The following COX10 variants were observed in gnomAD, a reference collection of about 807,000 sequenced individuals.
COX10 encodes the protein cytochrome c oxidase assembly factor heme A:farnesyltransferase COX10, also known as protoheme IX farnesyltransferase, mitochondrial.
Under a neutral mutation model 37.3 loss-of-function variants are expected in COX10, and 27 were observed. The observed-to-expected ratio is 0.72, with a 90% CI of 0.53 to 1.00. The LOEUF is 1.00. Ranked by LOEUF, COX10 falls within the 50% of genes least tolerant of loss-of-function variation. The probability of loss-of-function intolerance (pLI) is 0.00; values close to 1 mark genes in which losing one functional copy is unlikely to be tolerated. For missense variants in COX10, 475 were observed against 563.2 expected (o/e 0.84, Z 1.59); for synonymous variants, 222 against 229.1 (o/e 0.97, Z 0.28).
At chr17:14,163,402 G>A (rs1474525817) in intron 5 of COX10, among the ~76,000 whole-genome samples, 4 of 151,864 alleles carry the variant, frequency 2.6e-5, no homozygotes, top group African/African-American at 7.3e-5. Context: ...CTACAGGCAC[G>A]TGCCACCACA....
rs973693161 is a variant in COX10, at chr17:14,088,332, A to G, written c.499+11276A>G. 2.0e-5 allele frequency among the ~76,000 whole-genome samples: 3 copies of G among 151,652 alleles called. No homozygotes were observed. The East Asian group carries it at 5.8e-4, about 29-fold the overall frequency. ...TTAGTATCCTGTCTTTACCTAATTT[A>G]TTGCTTCTGCAGATTTTTCTTCAAT... On this transcript the variant is annotated intron_variant, in intron 3 of 6. Transcript: ENST00000261643.
intron 4 of COX10, among the ~76,000 whole-genome samples, chr17:14,149,198 G>C (rs553199287): frequency 6.6e-6 from 1 of 151,886 alleles, no homozygotes; most frequent in South Asian, 2.1e-4. Context: ...AAATAGAACT[G>C]TTCATTGATT....
chr17:14,097,106 C>T (rs1239652747), intron 3 of COX10, among the ~76,000 whole-genome samples: 2 of 152,048 alleles, frequency 1.3e-5, no homozygotes, highest in Admixed American at 6.6e-5. Flanking sequence ...GAATAGATTG[C>T]ATTCACTTTT....
chr17:14,128,802 G>A lies in COX10; in HGVS notation c.624+26560G>A, dbSNP rs116195142. Among the ~76,000 whole-genome samples the A allele has an allele frequency of 3.5e-3, 538 of 152,284 alleles. 7 individuals carry two copies. The highest frequency in any genetic ancestry group is 0.012 in the African/African-American group (511 of 41,572). On this transcript the variant is annotated intron_variant, in intron 4 of 6. Coordinates refer to ENST00000261643, the MANE Select transcript of COX10 (RefSeq NM_001303.4). The stretch of plus-strand genomic sequence containing the variant: ...ACAAAGGCGGTCAACTTTAAGAAGA[G>A]CATATCTCAAGGCACGTTTCAAAAA...
chr17:14,082,465 TTTTAAG>T (rs1315712674), intron 3 of COX10, among the ~76,000 whole-genome samples: 1 of 152,180 alleles, frequency 6.6e-6, no homozygotes, highest in Non-Finnish European at 1.5e-5. Context: ...TTTAAAATAA[TTTTAAG>T]TTTATTATAA....
At chr17:14,180,474 G>A (rs1364220665) in intron 5 of COX10, among the ~76,000 whole-genome samples, 1 of 152,038 alleles carries the variant, frequency 6.6e-6, no homozygotes, top group Non-Finnish European at 1.5e-5. Context: ...CAAGAGGAAC[G>A]CTGCTGGGAT....
chr17:14,102,320 C>T (rs1915802930), intron 4 of COX10, 78 bp downstream of exon 4: 2 of 1,536,828 alleles, frequency 1.3e-6, no homozygotes, highest in Admixed American at 3.6e-5. Context: ...TTTTAAATAC[C>T]TTCCAAACTC....
chr17:14,083,126 TAC>T (rs1024652834), intron 3 of COX10, among the ~76,000 whole-genome samples: 14 of 152,306 alleles, frequency 9.2e-5, no homozygotes, highest in African/African-American at 3.1e-4. Flanking sequence ...CAGCCTCACC[TAC>T]ACACACAGAT....
At chr17:14,179,863 G>A (rs1188826819) in intron 5 of COX10, among the ~76,000 whole-genome samples, 1 of 151,576 alleles carries the variant, frequency 6.6e-6, no homozygotes, top group Non-Finnish European at 1.5e-5. Context: ...CACGATAAGA[G>A]CAGAGCAAAA....
chr17:14,088,022 C>G (rs2142190535), intron 3 of COX10, among the ~76,000 whole-genome samples: 1 of 152,160 alleles, frequency 6.6e-6, no homozygotes, highest in East Asian at 1.9e-4. Context: ...CCTCTAAGCT[C>G]TCCTGCACTG....
chr17:14,185,688 CT>C (rs1214051643), intron 5 of COX10, among the ~76,000 whole-genome samples: 15 of 149,356 alleles, frequency 1.0e-4, no homozygotes, highest in South Asian at 4.3e-4. Flanking sequence ...GAGTCCTTTA[CT>C]TTTTTTTTAC....
chr17:14,159,743 G>A, intron 4 of COX10, 134 bp from the exon 5 acceptor site: 1 of 668,140 alleles, frequency 1.5e-6, no homozygotes. Context: ...TTTTCTTCAA[G>A]AAGTGCCAGG....
intron 5 of COX10, chr17:14,179,073 A>G (rs1414843904): frequency 6.1e-6 from 1 of 164,390 alleles, no homozygotes; most frequent in East Asian, 1.9e-4. Flanking sequence ...CATTATGTCA[A>G]ATTCTTTCTG....
At chr17:14,131,984 C>T (rs1916478499) in intron 4 of COX10, among the ~76,000 whole-genome samples, 1 of 151,940 alleles carries the variant, frequency 6.6e-6, no homozygotes, top group African/African-American at 2.4e-5. Flanking sequence ...CTAGAAGTTT[C>T]TTTAAATATG....
At chr17:14,199,711 G>A (rs890107605) in intron 6 of COX10, among the ~76,000 whole-genome samples, 1 of 152,144 alleles carries the variant, frequency 6.6e-6, no homozygotes, top group Non-Finnish European at 1.5e-5. Flanking sequence ...CTTCCCTTTT[G>A]TCGCCTGTGC....
At chr17:14,121,622 A>G (rs1008801674) in intron 4 of COX10, among the ~76,000 whole-genome samples, 6 of 152,216 alleles carry the variant, frequency 3.9e-5, no homozygotes. Flanking sequence ...ATCTACCTGC[A>G]TCATTTGCTC....
Position 14,102,130 on chromosome 17 carries a change from G to A in COX10, c.512G>A (p.Ser171Asn). The A allele has an allele frequency of 6.2e-7, 1 of 1,613,634 alleles. No homozygotes were observed. Among genetic ancestry groups the A allele is most frequent in the Non-Finnish European group, 8.5e-7 (1 of 1,179,712 alleles). ...TTCTGTATCGCAGCTCTGGTTGTAA[G>A]TACCACTGCAGCTGGATTTGCATTG... ...SKIKLTALVV[S>N]TTAAGFALAP... The change falls in exon 4 of 7, where the codon AGT becomes AAT. Residue 171 changes from serine (S) to asparagine (N), a missense_variant. Transcript: ENST00000261643.
At chr17:14,186,336 A>G (rs1428146617) in intron 5 of COX10, among the ~76,000 whole-genome samples, 1 of 152,000 alleles carries the variant, frequency 6.6e-6, no homozygotes, top group Non-Finnish European at 1.5e-5. Context: ...CTCTCCAGAT[A>G]TGTGGAACAT....
At chr17:14,074,585 T>G in intron 2 of COX10, 129 bp downstream of exon 2, 1 of 891,300 alleles carries the variant, frequency 1.1e-6, no homozygotes, top group Non-Finnish European at 1.8e-6. Context: ...TTAGTGTCCT[T>G]AAATTTATCC....
Sources: gnomAD v4.1 joint callset for allele counts (sites outside exome capture counted in the v4.1 genomes callset) on GRCh38, gnomAD v4.1.1 for gene constraint, MANE v1.5 for transcripts, NCBI Gene and HGNC (gene_info 2026-07-23, HGNC 2026-07-21) for gene names.